TRERF1: variants seen among roughly 807,000 people sequenced by gnomAD.
TRERF1 encodes transcriptional regulating factor 1, also known as transcriptional-regulating factor 1.
TRERF1 carries 27 observed loss-of-function variants against 122.9 expected under a neutral mutation model. The observed-to-expected ratio is 0.22, with a 90% confidence interval of 0.16 to 0.30. The LOEUF is 0.30. Ranked by LOEUF, TRERF1 falls within the 10% of genes least tolerant of loss-of-function variation. The pLI, the probability that TRERF1 is intolerant of heterozygous loss-of-function variation, is 1.00. For synonymous variants in TRERF1, 636 were observed against 641.7 expected, an observed-to-expected ratio of 0.99 and a Z score of 0.13; for missense variants, 1,248 against 1,560.3, an observed-to-expected ratio of 0.80 and a Z score of 3.37.
rs373747898 is a variant in TRERF1 at position 42,232,804 on chromosome 6, G to A, written c.3155C>T (p.Ser1052Phe). 37 of 1,613,334 alleles carry A rather than the reference G, an allele frequency of 2.3e-5. No homozygotes were observed. The highest frequency in any genetic ancestry group is 3.0e-5 in the Non-Finnish European group (35 of 1,179,640). ...GGTGCCACCAGGCTTCTGCTTCCCA[G>A]AGGGGATGGCACCTCGGGCCTTGGT... The change falls in exon 17 of 18, where the codon TCT becomes TTT. Residue 1052 changes from serine to phenylalanine, a missense_variant. Physicochemically the swap from Ser to Phe is radical, Grantham distance 155 (BLOSUM62 -2). This residue lies in a region of TRERF1 where 159 missense variants were observed against 221.7 expected (regional missense o/e 0.72). Coordinates refer to ENST00000372922, the Ensembl canonical transcript of TRERF1. This position sits in a 1 kb window ranked among gnomAD's most constrained non-coding sequence, Gnocchi z 4.5.
chr6:42,412,681 T>C (rs1781285812), intron 2 of TRERF1, among the ~76,000 whole-genome samples: 1 of 151,958 alleles, frequency 6.6e-6, no homozygotes, highest in African/African-American at 2.4e-5. Flanking sequence ...TCCCAGAACT[T>C]TGGGAAGCTG....
At chr6:42,255,108 C>T (rs1021324679) in intron 12 of TRERF1, among the ~76,000 whole-genome samples, 182 bp from the exon 13 acceptor site, 2 of 152,182 alleles carry the variant, frequency 1.3e-5, no homozygotes, top group African/African-American at 4.8e-5. Flanking sequence ...AAATAAGACT[C>T]TCCTTCTAAC....
At chr6:42,424,073 T>C (rs549388651) in intron 2 of TRERF1, among the ~76,000 whole-genome samples, 2 of 152,368 alleles carry the variant, frequency 1.3e-5, no homozygotes, top group African/African-American at 2.4e-5. Context: ...TTCATTCATT[T>C]TGCTGCTGTA....
At chr6:42,450,019 C>T (rs1177607699) in intron 2 of TRERF1, among the ~76,000 whole-genome samples, 1 of 152,224 alleles carries the variant, frequency 6.6e-6, no homozygotes. Flanking sequence ...AAAGTTAAAA[C>T]TCCCAGCATC....
At chr6:42,320,137 A>G (rs942962581) in intron 3 of TRERF1, among the ~76,000 whole-genome samples, 2 of 152,098 alleles carry the variant, frequency 1.3e-5, no homozygotes, top group East Asian at 1.9e-4. Context: ...CTGACCTCAA[A>G]TGATCCACCT....
At chr6:42,225,669 C>T (rs1769416054) in exon 18 of TRERF1, 1 of 151,822 alleles carries the variant, frequency 6.6e-6, no homozygotes. Flanking sequence ...CATAACGAAG[C>T]CAGAACAGGA....
At chr6:42,377,899 G>A (rs1027916881) in intron 2 of TRERF1, among the ~76,000 whole-genome samples, 1 of 152,218 alleles carries the variant, frequency 6.6e-6, no homozygotes, top group Non-Finnish European at 1.5e-5. Flanking sequence ...CATGCAGCCC[G>A]TGCGGTCTCA....
chr6:42,370,902 C>T (rs1301734367), intron 2 of TRERF1, among the ~76,000 whole-genome samples: 1 of 152,178 alleles, frequency 6.6e-6, no homozygotes, highest in Non-Finnish European at 1.5e-5. Flanking sequence ...CTCCTCTGAG[C>T]CCTGGTTTTC....
At chr6:42,277,133 C>T (rs79273723) in intron 4 of TRERF1, among the ~76,000 whole-genome samples, 120 of 152,294 alleles carry the variant, frequency 7.9e-4, no homozygotes, top group Non-Finnish European at 3.1e-4. Context: ...AGTATGGAAA[C>T]TAAGGACATG....
rs868627288 is a variant in TRERF1, at chr6:42,243,649, C to A, written c.2746-288G>T. Among the ~76,000 whole-genome samples, 4 of 147,226 alleles carry A rather than the reference C, an allele frequency of 2.7e-5. No individual in the cohort carries two copies. The South Asian group carries it at 8.7e-4, about 32-fold the overall frequency. ...AGGCTGGAGTGCAGTGGCGCAATCT[C>A]GGATCACTGCAACCTCTGCCTCCCA... is the stretch of plus-strand genomic sequence containing the variant. On this transcript the variant is annotated intron_variant, in intron 14 of 17. Coordinates refer to ENST00000372922, the Ensembl canonical transcript of TRERF1.
At chr6:42,338,498 A>G (rs1000098470) in intron 3 of TRERF1, among the ~76,000 whole-genome samples, 1 of 152,202 alleles carries the variant, frequency 6.6e-6, no homozygotes, top group East Asian at 1.9e-4. Flanking sequence ...AATTAAATGC[A>G]TATGCTCATT....
intron 3 of TRERF1, among the ~76,000 whole-genome samples, chr6:42,309,121 G>A (rs1787797829): frequency 6.6e-6 from 1 of 152,102 alleles, no homozygotes; most frequent in African/African-American, 2.4e-5. Flanking sequence ...AACAACCTGG[G>A]TGACTCTGAG....
chr6:42,442,708 G>C (rs1786745419), intron 2 of TRERF1, among the ~76,000 whole-genome samples: 1 of 152,198 alleles, frequency 6.6e-6, no homozygotes, highest in Non-Finnish European at 1.5e-5. Context: ...TTCCAACTAA[G>C]CTCATTGGAG....
intron 2 of TRERF1, among the ~76,000 whole-genome samples, chr6:42,430,128 C>T (rs1269594417): frequency 6.6e-6 from 1 of 151,742 alleles, no homozygotes; most frequent in Admixed American, 6.6e-5. Flanking sequence ...GGGCTAAGGA[C>T]TACTGTATGG....
intron 2 of TRERF1, among the ~76,000 whole-genome samples, chr6:42,392,957 C>CAG (rs1220000142): frequency 6.6e-6 from 1 of 151,540 alleles, no homozygotes; most frequent in Non-Finnish European, 1.5e-5. Context: ...CACACACACA[C>CAG]AGCAGTTGTC....
intron 2 of TRERF1, among the ~76,000 whole-genome samples, chr6:42,448,019 T>C (rs1787847423): frequency 6.6e-6 from 1 of 152,184 alleles, no homozygotes. Context: ...TCCTTACTTT[T>C]CATGGCAATG....
intron 2 of TRERF1, among the ~76,000 whole-genome samples, chr6:42,429,867 G>A (rs1020073856): frequency 6.6e-6 from 1 of 152,156 alleles, no homozygotes; most frequent in Admixed American, 6.5e-5. Flanking sequence ...AAAGGGGATG[G>A]GTCATTCGGG....
At chr6:42,412,474 C>T (rs563702106) in intron 2 of TRERF1, among the ~76,000 whole-genome samples, 3 of 152,124 alleles carry the variant, frequency 2.0e-5, no homozygotes, top group South Asian at 2.1e-4. Context: ...CTCACACAGG[C>T]GAAATAAAAA....
chr6:42,330,203 A>G (rs1309718953), intron 3 of TRERF1, among the ~76,000 whole-genome samples: 2 of 152,202 alleles, frequency 1.3e-5, no homozygotes, highest in Admixed American at 1.3e-4. Flanking sequence ...ATGAACACAC[A>G]AGAAATAGTC....
Sources: gnomAD v4.1 joint callset for allele counts (sites outside exome capture counted in the v4.1 genomes callset) on GRCh38, gnomAD v4.1.1 for gene constraint, gnomAD v4.1.1 regional missense constraint, Gnocchi (gnomAD v3.1) non-coding constraint, MANE v1.5 for transcripts, NCBI Gene and HGNC (gene_info 2026-07-23, HGNC 2026-07-21) for gene names.